Variants in ELAPOR1 observed in about 807,000 individuals in gnomAD.
ELAPOR1 encodes the protein endosome-lysosome associated apoptosis and autophagy regulator 1, also known as endosome/lysosome-associated apoptosis and autophagy regulator 1.
In ELAPOR1, 77 loss-of-function variants were observed where a neutral mutation model predicts 119.7. The ratio of observed to expected loss-of-function variants is 0.64; its 90% CI spans 0.54 to 0.78. ELAPOR1 has a LOEUF of 0.78. Ranked by LOEUF, ELAPOR1 falls within the 30% of genes least tolerant of loss-of-function variation. The probability of loss-of-function intolerance (pLI) is 0.00; values close to 1 mark genes in which losing one functional copy is unlikely to be tolerated. For synonymous variants in ELAPOR1, 481 were observed against 487.2 expected (o/e 0.99, Z 0.17); for missense variants, 1,115 against 1,270.4 (o/e 0.88, Z 1.86).
chr1:109,129,291 C>G (rs1032102781), intron 1 of ELAPOR1, among the ~76,000 whole-genome samples: 2 of 152,118 alleles, frequency 1.3e-5, no homozygotes, highest in Non-Finnish European at 2.9e-5. Context: ...GGGTGGATAA[C>G]CTGAGGTCAG....
chr1:109,124,476 A>G (rs1648650985), intron 1 of ELAPOR1, among the ~76,000 whole-genome samples: 1 of 152,228 alleles, frequency 6.6e-6, no homozygotes, highest in East Asian at 1.9e-4. Flanking sequence ...TCAGATAACC[A>G]ACCAATTTCT....
intron 7 of ELAPOR1, among the ~76,000 whole-genome samples, chr1:109,177,742 T>C (rs1652437694): frequency 6.6e-6 from 1 of 152,108 alleles, no homozygotes. Context: ...TCTTCCCCAC[T>C]CTGCTTCTAT....
At chr1:109,122,214 C>T (rs1648474480) in intron 1 of ELAPOR1, among the ~76,000 whole-genome samples, 1 of 151,704 alleles carries the variant, frequency 6.6e-6, no homozygotes, top group Non-Finnish European at 1.5e-5. Context: ...GGATTACAAG[C>T]GTGCACCACC....
chr1:109,157,151 G>A (rs1650930230), intron 1 of ELAPOR1, among the ~76,000 whole-genome samples: 1 of 152,064 alleles, frequency 6.6e-6, no homozygotes, highest in Non-Finnish European at 1.5e-5. Context: ...AGCCAGTGCT[G>A]TGCCCCAGAC....
chr1:109,179,333 C>T (rs1437344963), intron 7 of ELAPOR1, among the ~76,000 whole-genome samples: 2 of 140,664 alleles, frequency 1.4e-5, no homozygotes, highest in African/African-American at 2.7e-5. Flanking sequence ...ACCCGGGAGG[C>T]GGAGGTTGCA....
intron 1 of ELAPOR1, 118 bp from the exon 2 acceptor site, chr1:109,161,776 C>A: frequency 7.7e-7 from 1 of 1,295,028 alleles, no homozygotes. Flanking sequence ...CCCGGGGTCC[C>A]AGGGCCCATT....
At chr1:109,188,392 A>T (rs1169909598) in intron 9 of ELAPOR1, 38 bp downstream of exon 9, 5 of 1,579,214 alleles carry the variant, frequency 3.2e-6, no homozygotes, top group African/African-American at 2.7e-5. Flanking sequence ...CAGCACATCG[A>T]CTGTGTGGGT....
chr1:109,164,772 G>C, intron 3 of ELAPOR1, 81 bp downstream of exon 3: 1 of 1,349,562 alleles, frequency 7.4e-7, no homozygotes, highest in Admixed American at 2.3e-5. Flanking sequence ...CTCCTCCGCT[G>C]CCCCTCAGGC....
chr1:109,125,675 C>T (rs565054500), intron 1 of ELAPOR1, among the ~76,000 whole-genome samples: 38 of 151,404 alleles, frequency 2.5e-4, no homozygotes, highest in African/African-American at 6.8e-4. Flanking sequence ...GGAGCCACCA[C>T]GCCCGGCCAA....
At chr1:109,159,185 G>C (rs1043612234) in intron 1 of ELAPOR1, among the ~76,000 whole-genome samples, 8 of 152,138 alleles carry the variant, frequency 5.3e-5, no homozygotes, top group Admixed American at 6.5e-5. Context: ...GAGCCACCGT[G>C]CCCCGCCCTA....
At chr1:109,137,192 A>T (rs542170833) in intron 1 of ELAPOR1, among the ~76,000 whole-genome samples, 15 of 152,244 alleles carry the variant, frequency 9.9e-5, no homozygotes, top group African/African-American at 2.9e-4. Flanking sequence ...ATAATTTTTT[A>T]AAATATTTGA....
Position 109,144,061 on chromosome 1 carries a change from A to ATATATTTTTTTTTTTTTTTTTTTTTT in ELAPOR1, c.154-17832_154-17831insATATTTTTTTTTTTTTTTTTTTTTTT. On this transcript the variant is annotated intron_variant, in intron 1 of 21. Coordinates refer to ENST00000369939, the MANE Select transcript of ELAPOR1 (RefSeq NM_020775.5). The stretch of plus-strand genomic sequence containing the variant: ...TATATATATATATATATATTTATAT[A>ATATATTTTTTTTTTTTTTTTTTTTTT]TTTTTTTTTTTTTTTGAGATGGAGT... 3.4e-5 allele frequency among the ~76,000 whole-genome samples: 3 copies of ATATATTTTTTTTTTTTTTTTTTTTTT among 88,990 alleles called. 1 individual carries two copies. The highest frequency in any genetic ancestry group is 9.6e-5 in the African/African-American group (2 of 20,742). 58.4% of individuals were successfully genotyped at this position (88,990 alleles called of 152,430 possible).
chr1:109,191,693 C>T (rs1653446431), intron 12 of ELAPOR1, 33 bp from the exon 13 acceptor site: 5 of 1,612,204 alleles, frequency 3.1e-6, no homozygotes, highest in Admixed American at 1.7e-5. Flanking sequence ...CTCTGGCCAT[C>T]GCACCCGCTT....
intron 20 of ELAPOR1, 111 bp downstream of exon 20, chr1:109,200,348 T>C: frequency 7.9e-7 from 1 of 1,266,954 alleles, no homozygotes; most frequent in Non-Finnish European, 1.1e-6. Context: ...GGCTACAGAC[T>C]CTGTGACTTA....
rs189407034 is a variant in ELAPOR1 at position 109,180,241 on chromosome 1, T to C, written c.953-4804T>C. On this transcript the variant is annotated intron_variant, in intron 7 of 21. Transcript: ENST00000369939. Reference sequence around the variant, plus strand: ...CAGAATAGCATGAAGTTAAAGAGCATGGACTCCAGAACTAAATTACTAGGG... The same window carrying C: ...CAGAATAGCATGAAGTTAAAGAGCACGGACTCCAGAACTAAATTACTAGGG... 2.6e-5 allele frequency among the ~76,000 whole-genome samples: 4 copies of C among 152,344 alleles called. No individual in the cohort carries two copies. The East Asian group carries it at 7.7e-4, about 29-fold the overall frequency.
Position 109,199,859 on chromosome 1 carries a change from G to C in ELAPOR1, c.2507G>C (p.Cys836Ser). ...VPGSLLLPGT[C>S]SDGTCDGCNF... The stretch of plus-strand genomic sequence containing the variant: ...TCTCTTTTCTGCTTTGCTAGAACGT[G>C]CTCGGATGGGACCTGTGATGGCTGC... Residue 836 changes from cysteine to serine, a missense_variant, in exon 19 of 22, where the codon TGC becomes TCC. Coordinates refer to ENST00000369939, the MANE Select transcript of ELAPOR1 (RefSeq NM_020775.5). 1 of 1,611,848 alleles carries C rather than the reference G, an allele frequency of 6.2e-7. No homozygotes were observed. The highest frequency in any genetic ancestry group is 8.5e-7 in the Non-Finnish European group (1 of 1,180,018).
intron 1 of ELAPOR1, among the ~76,000 whole-genome samples, chr1:109,157,766 G>A (rs1650973934): frequency 6.6e-6 from 1 of 152,210 alleles, no homozygotes; most frequent in African/African-American, 2.4e-5. Flanking sequence ...CACCTGAATT[G>A]TGGACCACAT....
chr1:109,123,576 A>T (rs1009665726), intron 1 of ELAPOR1, among the ~76,000 whole-genome samples: 1 of 152,198 alleles, frequency 6.6e-6, no homozygotes, highest in African/African-American at 2.4e-5. Flanking sequence ...AAATTTCTCT[A>T]TTCCCTTTTG....
intron 1 of ELAPOR1, among the ~76,000 whole-genome samples, chr1:109,142,989 G>A (rs182329616): frequency 5.0e-4 from 76 of 151,152 alleles, no homozygotes; most frequent in South Asian, 1.3e-3. Context: ...TCGCTCTGTC[G>A]CCCAGGCTGG....
Sources: gnomAD v4.1 joint callset for allele counts (sites outside exome capture counted in the v4.1 genomes callset) on GRCh38, gnomAD v4.1.1 for gene constraint, MANE v1.5 for transcripts, NCBI Gene and HGNC (gene_info 2026-07-23, HGNC 2026-07-21) for gene names.